The following CDH18 variants were observed in gnomAD, a reference collection of about 807,000 sequenced individuals.
CDH18 encodes cadherin-18.
In CDH18, 31 loss-of-function variants were observed where a neutral mutation model predicts 67.9. The ratio of observed to expected loss-of-function variants is 0.46; its 90% CI spans 0.34 to 0.62. The LOEUF is 0.62. CDH18 is among the 20% of genes least tolerant of loss of function. The pLI, the probability that CDH18 is intolerant of heterozygous loss-of-function variation, is 0.01. For missense variants in CDH18, 890 were observed against 975.5 expected (o/e 0.91, Z 1.17); for synonymous variants, 362 against 347.2 (o/e 1.04, Z -0.48).
chr5:20,397,267 A>T (rs1004080620), intron 1 of CDH18, among the ~76,000 whole-genome samples: 1 of 151,942 alleles, frequency 6.6e-6, no homozygotes, highest in South Asian at 2.1e-4. Context: ...AGTAGCTGGG[A>T]TTACAGGTGC....
intron 1 of CDH18, among the ~76,000 whole-genome samples, chr5:20,513,160 T>C (rs1261286345): frequency 1.3e-5 from 2 of 152,300 alleles, no homozygotes; most frequent in East Asian, 3.9e-4. Flanking sequence ...AAAACTAGTC[T>C]TCCTTTTTCA....
chr5:20,511,020 C>A (rs185040093), intron 1 of CDH18, among the ~76,000 whole-genome samples: 30 of 152,238 alleles, frequency 2.0e-4, no homozygotes, highest in Admixed American at 2.0e-3. Context: ...CTCACACCAT[C>A]CACCAGCATT....
At chr5:19,587,327 C>G (rs954453001) in intron 7 of CDH18, among the ~76,000 whole-genome samples, 1 of 152,120 alleles carries the variant, frequency 6.6e-6, no homozygotes, top group African/African-American at 2.4e-5. Context: ...GCTTTTGTTG[C>G]AATTGCTTTA....
chr5:19,755,579 TATATA>T (rs200195489), intron 3 of CDH18, among the ~76,000 whole-genome samples: 3,086 of 145,722 alleles, frequency 0.021, 106 homozygotes, highest in African/African-American at 0.073. Flanking sequence ...ATATAGGATA[TATATA>T]ATATAAGATA....
At position 20,490,106 on chromosome 5, in the gene CDH18, TAATA is replaced by T. The variant is rs1285736404; in HGVS notation, c.-580+85352_-580+85355del. Among the ~76,000 whole-genome samples the T allele has an allele frequency of 2.6e-5, 4 of 151,074 alleles. No homozygotes were observed. In the South Asian group the frequency reaches 6.2e-4, roughly 24 times the overall value. ...TGTTAATATTATTAATAATACTAAT[TAATA>T]AATAATCATTGCTACTCGCTAAAGA... On this transcript the variant is annotated intron_variant, in intron 1 of 14. Coordinates refer to the CDH18 transcript ENST00000507958.
chr5:20,356,406 A>G (rs545964551), intron 1 of CDH18, among the ~76,000 whole-genome samples: 2 of 152,176 alleles, frequency 1.3e-5, no homozygotes, highest in Non-Finnish European at 2.9e-5. Flanking sequence ...AAACCACCAC[A>G]ACAACAAAAA....
intron 2 of CDH18, among the ~76,000 whole-genome samples, chr5:20,195,410 A>G (rs1459067653): frequency 2.0e-5 from 3 of 151,998 alleles, no homozygotes; most frequent in Non-Finnish European, 4.4e-5. Flanking sequence ...TTGTACGGTA[A>G]TTGATTATAG....
At chr5:20,500,088 C>T (rs545923525) in intron 1 of CDH18, among the ~76,000 whole-genome samples, 37 of 152,068 alleles carry the variant, frequency 2.4e-4, no homozygotes, top group Non-Finnish European at 4.6e-4. Context: ...TGTCACTGTC[C>T]ACTTTTTGTT....
At chr5:20,335,765 A>G (rs1372406948) in intron 1 of CDH18, among the ~76,000 whole-genome samples, 3 of 152,190 alleles carry the variant, frequency 2.0e-5, no homozygotes, top group Non-Finnish European at 4.4e-5. Flanking sequence ...ACATTTGTTC[A>G]TCAGAGAAAT....
At chr5:20,045,331 T>A (rs114150944) in intron 2 of CDH18, among the ~76,000 whole-genome samples, 84 of 152,298 alleles carry the variant, frequency 5.5e-4, no homozygotes, top group African/African-American at 2.0e-3. Flanking sequence ...TTTCAAGTTA[T>A]GCCACATCAG....
rs376068770 is a variant in CDH18, at chr5:19,948,744, T to C, written c.-257+32316A>G. Among the ~76,000 whole-genome samples, 41 of 152,274 alleles carry C rather than the reference T, an allele frequency of 2.7e-4. No individual in the cohort carries two copies. In the East Asian group the frequency reaches 7.5e-3, roughly 28 times the overall value. ...TATGAATTTCATGGCATACTATATTTATGCAAGATGTTATTGTGGGAGAAA... is the reference window on the plus strand; with the variant it reads ...TATGAATTTCATGGCATACTATATTCATGCAAGATGTTATTGTGGGAGAAA... On this transcript the variant is annotated intron_variant, in intron 2 of 12. Transcript: ENST00000382275.
chr5:20,552,897 G>A (rs1038803459), intron 1 of CDH18, among the ~76,000 whole-genome samples: 3 of 151,990 alleles, frequency 2.0e-5, no homozygotes, highest in African/African-American at 4.8e-5. Context: ...CGAGACTACA[G>A]GCGTGCTCCA....
intron 5 of CDH18, among the ~76,000 whole-genome samples, chr5:19,662,572 T>A (rs768961196): frequency 3.9e-5 from 6 of 152,074 alleles, no homozygotes; most frequent in Non-Finnish European, 8.8e-5. Context: ...TCCTGTTTGA[T>A]AAAATAATTA....
At chr5:20,025,491 A>G (rs1738817311) in intron 2 of CDH18, among the ~76,000 whole-genome samples, 1 of 152,184 alleles carries the variant, frequency 6.6e-6, no homozygotes, top group African/African-American at 2.4e-5. Flanking sequence ...TCTAGGAAAT[A>G]TTGATATAAA....
At chr5:19,480,504 A>T (rs1385461716) in intron 12 of CDH18, among the ~76,000 whole-genome samples, 3 of 151,472 alleles carry the variant, frequency 2.0e-5, no homozygotes, top group Non-Finnish European at 4.4e-5. Flanking sequence ...CAGCCTCCCG[A>T]GTAGCTGGGA....
chr5:20,422,234 A>G (rs1301669591), intron 1 of CDH18, among the ~76,000 whole-genome samples: 1 of 151,098 alleles, frequency 6.6e-6, no homozygotes, highest in African/African-American at 2.5e-5. Context: ...CATAATCAGG[A>G]AGAGAAAGGA....
At chr5:19,925,888 A>G (rs1356314257) in intron 2 of CDH18, among the ~76,000 whole-genome samples, 2 of 152,170 alleles carry the variant, frequency 1.3e-5, no homozygotes, top group African/African-American at 4.8e-5. Flanking sequence ...GTATCTTTAC[A>G]TTTGTTGATT....
chr5:19,574,215 C>T (rs913969568), intron 7 of CDH18, among the ~76,000 whole-genome samples: 10 of 152,100 alleles, frequency 6.6e-5, no homozygotes, highest in Non-Finnish European at 1.0e-4. Context: ...TGCCATTTGC[C>T]TCAATACTAA....
chr5:19,650,482 A>G (rs1755412537), intron 5 of CDH18, among the ~76,000 whole-genome samples: 1 of 152,120 alleles, frequency 6.6e-6, no homozygotes, highest in African/African-American at 2.4e-5. Flanking sequence ...GCAAAAGCTA[A>G]TATTAATAAT....
Sources: allele counts gnomAD v4.1 joint callset (sites outside exome capture counted in the v4.1 genomes callset), GRCh38; gene constraint gnomAD v4.1.1; transcripts MANE v1.5; gene names NCBI Gene and HGNC (gene_info 2026-07-23, HGNC 2026-07-21).